CEP83: variants seen among roughly 807,000 people sequenced by gnomAD.
The protein encoded by CEP83 is centrosomal protein 83, also known as centrosomal protein of 83 kDa.
Under a neutral mutation model 101.9 loss-of-function variants are expected in CEP83, and 70 were observed. That is an observed-to-expected ratio of 0.69 (90% CI 0.57 to 0.84). The LOEUF (loss-of-function observed/expected upper bound fraction) is 0.84, where lower values mean the gene tolerates loss of function less well. Among genes scored for constraint, CEP83 ranks in the 40% least tolerant of loss-of-function variants. The pLI is 0.00. For missense variants in CEP83, 715 were observed against 787.2 expected (o/e 0.91, Z 1.10); for synonymous variants, 264 against 267.9 (o/e 0.99, Z 0.14).
At chr12:94,362,669 C>T (rs2060829367) in intron 11 of CEP83, among the ~76,000 whole-genome samples, 1 of 152,042 alleles carries the variant, frequency 6.6e-6, no homozygotes, top group Non-Finnish European at 1.5e-5. Context: ...CCACAGGACC[C>T]AGAAATTCCA....
At chr12:94,277,788 C>T in the CEP83 span, 6 of 369,682 alleles carry the variant, frequency 1.6e-5, no homozygotes, top group East Asian at 3.7e-4. Context: ...CCGATACTAT[C>T]ATCAAGCCTT....
At chr12:94,388,666 A>T (rs1218685445) in intron 6 of CEP83, among the ~76,000 whole-genome samples, 2 of 152,222 alleles carry the variant, frequency 1.3e-5, no homozygotes, top group African/African-American at 2.4e-5. Flanking sequence ...AAGAGAAAAT[A>T]ATTTGGAAAC....
chr12:94,319,623 C>A (rs980393333), intron 14 of CEP83, among the ~76,000 whole-genome samples: 1 of 152,080 alleles, frequency 6.6e-6, no homozygotes, highest in Non-Finnish European at 1.5e-5. Context: ...TAATTTCATT[C>A]TTTACTCAAA....
At chr12:94,432,001 T>C (rs1594016812) in intron 2 of CEP83, among the ~76,000 whole-genome samples, 1 of 152,092 alleles carries the variant, frequency 6.6e-6, no homozygotes, top group South Asian at 2.1e-4. Context: ...TGCAGCACTA[T>C]TCACAATAGC....
At chr12:94,403,880 T>TAAA (rs11341038) in intron 4 of CEP83, among the ~76,000 whole-genome samples, 1 of 139,812 alleles carries the variant, frequency 7.2e-6, no homozygotes. Context: ...ATACTAGTTG[T>TAAA]AAAAAAAAAA....
intron 12 of CEP83, among the ~76,000 whole-genome samples, chr12:94,335,293 C>G (rs1217848931): frequency 6.6e-6 from 1 of 151,874 alleles, no homozygotes; most frequent in Non-Finnish European, 1.5e-5. Context: ...TTTTAAAATT[C>G]TGAATATTAA....
At chr12:94,291,602 T>C in the CEP83 span, among the ~76,000 whole-genome samples, 327 of 152,298 alleles carry the variant, frequency 2.1e-3, 1 homozygote, top group African/African-American at 7.0e-3. Context: ...GGTATACTTA[T>C]AGAATTGAGC....
At chr12:94,347,001 G>A (rs1344542693) in intron 11 of CEP83, among the ~76,000 whole-genome samples, 1 of 150,694 alleles carries the variant, frequency 6.6e-6, no homozygotes, top group East Asian at 1.9e-4. Flanking sequence ...TGGCACCACG[G>A]CACTCCAGCC....
the CEP83 span, among the ~76,000 whole-genome samples, chr12:94,285,505 A>G: frequency 6.6e-6 from 1 of 152,204 alleles, no homozygotes; most frequent in East Asian, 1.9e-4. Flanking sequence ...TCACTCTCCT[A>G]TAGCTCAGAC....
At chr12:94,455,964 C>T (rs1477052749) in intron 1 of CEP83, among the ~76,000 whole-genome samples, 2 of 151,706 alleles carry the variant, frequency 1.3e-5, no homozygotes, top group African/African-American at 2.4e-5. Context: ...AGGAGAATCA[C>T]GTGAACCCAC....
chr12:94,309,651 C>CGATT (rs1396448736), intron 16 of CEP83, among the ~76,000 whole-genome samples: 5 of 152,142 alleles, frequency 3.3e-5, no homozygotes, highest in Admixed American at 2.6e-4. Context: ...CTCAATGACT[C>CGATT]AATCAAGTTT....
At chr12:94,279,721 T>G in the CEP83 span, 1 of 1,287,778 alleles carries the variant, frequency 7.8e-7, no homozygotes, top group Non-Finnish European at 1.1e-6. Context: ...TCCCTCCCTG[T>G]CCCCCCTCCC....
the CEP83 span, among the ~76,000 whole-genome samples, chr12:94,273,505 C>T: frequency 2.6e-5 from 4 of 152,166 alleles, no homozygotes; most frequent in Non-Finnish European, 5.9e-5. Context: ...AATGCTGCCT[C>T]CTCCATGCAG....
At chr12:94,304,295 A>G, downstream of CEP83, 1 of 372,998 alleles carries the variant, frequency 2.7e-6, no homozygotes, top group Admixed American at 4.2e-5. Context: ...CATGGGGCCT[A>G]CAGCCACCCT....
At chr12:94,297,465 G>A in the CEP83 span, 2 of 1,326,040 alleles carry the variant, frequency 1.5e-6, no homozygotes, top group African/African-American at 2.9e-5. Flanking sequence ...CTACCTAGGG[G>A]GTGTATGATA....
chr12:94,374,656 G>A (rs1251275939), intron 8 of CEP83, among the ~76,000 whole-genome samples: 1 of 152,122 alleles, frequency 6.6e-6, no homozygotes, highest in East Asian at 1.9e-4. Context: ...TAAGGAAATT[G>A]GATCCTAATG....
At chr12:94,275,302 C>A in the CEP83 span, among the ~76,000 whole-genome samples, 1 of 152,234 alleles carries the variant, frequency 6.6e-6, no homozygotes, top group Non-Finnish European at 1.5e-5. Context: ...AGCCCTAATA[C>A]TAAATAGGGC....
chr12:94,383,616 C>T (rs892283587), intron 6 of CEP83, among the ~76,000 whole-genome samples: 1 of 152,068 alleles, frequency 6.6e-6, no homozygotes, highest in Non-Finnish European at 1.5e-5. Context: ...TATTTTAATT[C>T]ATGTATTCAG....
intron 11 of CEP83, among the ~76,000 whole-genome samples, chr12:94,341,313 ATAT>A (rs2059678151): frequency 6.6e-6 from 1 of 152,186 alleles, no homozygotes; most frequent in Non-Finnish European, 1.5e-5. Flanking sequence ...TCACAGATAT[ATAT>A]TATTTGTAAA....
Sources: gnomAD v4.1 joint callset for allele counts (sites outside exome capture counted in the v4.1 genomes callset) on GRCh38, gnomAD v4.1.1 for gene constraint, MANE v1.5 for transcripts, NCBI Gene and HGNC (gene_info 2026-07-23, HGNC 2026-07-21) for gene names.